The following SPG11 variants were observed in gnomAD, a reference collection of about 807,000 sequenced individuals.
SPG11 encodes the protein SPG11 vesicle trafficking associated, spatacsin, also known as spatacsin.
In SPG11, 222 loss-of-function variants were observed where a neutral mutation model predicts 274.0. The observed-to-expected ratio is 0.81, with a 90% CI of 0.73 to 0.91. The LOEUF (loss-of-function observed/expected upper bound fraction) is 0.91, where lower values mean the gene tolerates loss of function less well. SPG11 is among the 40% of genes least tolerant of loss of function. SPG11 has a pLI of 0.00. For missense variants in SPG11, 3,114 were observed against 2,872.7 expected, an observed-to-expected ratio of 1.08 and a Z score of -1.92; for synonymous variants, 1,144 against 1,039.7, an observed-to-expected ratio of 1.10 and a Z score of -1.93.
intron 15 of SPG11, among the ~76,000 whole-genome samples, chr15:44,616,805 T>A (rs1298033659): frequency 6.6e-6 from 1 of 152,222 alleles, no homozygotes; most frequent in Non-Finnish European, 1.5e-5. Flanking sequence ...CTCCCTTAAC[T>A]TTACAAGGGG....
chr15:44,563,118 C>G lies in SPG11; in HGVS notation c.*3G>C. 1 of 1,613,906 alleles carries G rather than the reference C, an allele frequency of 6.2e-7. No homozygotes were observed. ...ACAAGAAAACAGACACCTATGAAAT[C>G]ATCTAACCTGCTAGCATGTCCTTTA... On this transcript the variant is annotated 3_prime_UTR_variant, in exon 40 of 40. Coordinates refer to ENST00000261866, the MANE Select transcript of SPG11 (RefSeq NM_025137.4).
At chr15:44,579,730 C>G (rs1165365350) in intron 30 of SPG11, among the ~76,000 whole-genome samples, 1 of 152,066 alleles carries the variant, frequency 6.6e-6, no homozygotes, top group East Asian at 1.9e-4. Flanking sequence ...AGCAAAGAAA[C>G]AGATATGAAG....
intron 17 of SPG11, 61 bp from the exon 18 acceptor site, chr15:44,611,046 C>T (rs1205394223): frequency 3.6e-6 from 3 of 835,400 alleles, no homozygotes; most frequent in Non-Finnish European, 5.2e-6. Flanking sequence ...TTAAGGATTA[C>T]ATAAATGTGA....
intron 27 of SPG11, among the ~76,000 whole-genome samples, chr15:44,589,998 G>A (rs1360265385): frequency 6.6e-6 from 1 of 151,992 alleles, no homozygotes; most frequent in Non-Finnish European, 1.5e-5. Flanking sequence ...TAATAGAGAT[G>A]GGGTTTCACC....
chr15:44,574,947 C>G lies in SPG11; in HGVS notation c.5961G>C (p.Gly1987=). The change falls in exon 31 of 40, where the codon GGG becomes GGC. Residue 1987 remains glycine (G), a synonymous_variant. Coordinates refer to ENST00000261866, the MANE Select transcript of SPG11 (RefSeq NM_025137.4). ...LEVLTSKCLH[G]KNYCRQVLCL... ...AGAGGACCTGTCGACAGTAGTTCTT[C>G]CCATGGAGGCATTTGCTTGTCAGCA... 6.2e-7 allele frequency: 1 copy of G among 1,614,086 alleles called. No individual in the cohort carries two copies. Among genetic ancestry groups the G allele is most frequent in the Non-Finnish European group, 8.5e-7 (1 of 1,180,018 alleles).
intron 30 of SPG11, among the ~76,000 whole-genome samples, chr15:44,583,480 C>A (rs1354769630): frequency 5.3e-5 from 8 of 151,798 alleles, no homozygotes; most frequent in South Asian, 4.1e-4. Context: ...AACAAAAAAC[C>A]AAAAAGAAAA....
At chr15:44,583,046 A>C (rs774127993) in intron 30 of SPG11, among the ~76,000 whole-genome samples, 19 of 152,080 alleles carry the variant, frequency 1.2e-4, no homozygotes, top group Non-Finnish European at 4.4e-5. Context: ...ACAAGAAATA[A>C]AAGGCATACA....
chr15:44,612,195 C>G (rs2083477411), intron 17 of SPG11, among the ~76,000 whole-genome samples: 1 of 152,162 alleles, frequency 6.6e-6, no homozygotes, highest in Non-Finnish European at 1.5e-5. Flanking sequence ...ATAGATGTTT[C>G]TTGTTGTTCT....
chr15:44,660,757 A>G (rs2085081784), intron 1 of SPG11, 141 bp from the exon 2 acceptor site: 2 of 788,768 alleles, frequency 2.5e-6, no homozygotes, highest in Admixed American at 4.4e-5. Flanking sequence ...CTAAGAGAAC[A>G]TAAACTGCTC....
At position 44,610,824 on chromosome 15, in the gene SPG11, A is replaced by G. The variant is rs1405551313; in HGVS notation, c.3291+16T>C. On this transcript the variant is annotated intron_variant, in intron 18 of 39. Transcript: ENST00000261866. ...TTAAAAATCAGTCCTATTTTGTCAT[A>G]AAGTGCTATCCATACCTGACTGACA... is the stretch of plus-strand genomic sequence containing the variant. 5.6e-6 allele frequency: 9 copies of G among 1,612,320 alleles called. No homozygotes were observed. Among genetic ancestry groups the G allele is most frequent in the Non-Finnish European group, 7.6e-6 (9 of 1,178,538 alleles).
intron 34 of SPG11, 49 bp downstream of exon 34, chr15:44,570,474 ACT>A: frequency 6.2e-7 from 1 of 1,612,208 alleles, no homozygotes; most frequent in Non-Finnish European, 8.5e-7. Flanking sequence ...CCTTTCTACT[ACT>A]CTCAAAGGTT....
chr15:44,620,160 C>A, intron 15 of SPG11, 30 bp downstream of exon 15: 1 of 1,527,370 alleles, frequency 6.5e-7, no homozygotes, highest in South Asian at 1.1e-5. Flanking sequence ...GTATTCTTCC[C>A]ATTGGGTATT....
At chr15:44,654,994 T>G (rs760668298) in intron 4 of SPG11, among the ~76,000 whole-genome samples, 28 of 152,384 alleles carry the variant, frequency 1.8e-4, no homozygotes, top group Non-Finnish European at 3.5e-4. Context: ...TATACTGTAC[T>G]GCTGTAATAA....
rs1595878949 is a variant in SPG11, at chr15:44,610,941, A to T, written c.3190T>A (p.Leu1064Met). 6 of 1,613,924 alleles carry T rather than the reference A, an allele frequency of 3.7e-6. No individual in the cohort carries two copies. In the African/African-American group the frequency reaches 6.7e-5, roughly 18 times the overall value. ...ACACTGGCCTGATTGGTGGGAATCAAAATCTGAGCATTTGCAAGGCTAGCC... is the reference window on the plus strand; with the variant it reads ...ACACTGGCCTGATTGGTGGGAATCATAATCTGAGCATTTGCAAGGCTAGCC... Reference protein sequence around the residue: ...FQASLANAQILIPTNQASVSS... With the variant: ...FQASLANAQIMIPTNQASVSS... Residue 1064 changes from leucine to methionine, a missense_variant, in exon 18 of 40, where the codon TTG becomes ATG. Coordinates refer to ENST00000261866, the MANE Select transcript of SPG11 (RefSeq NM_025137.4).
At position 44,585,558 on chromosome 15, in the gene SPG11, C is replaced by A. The variant is rs1372692438; in HGVS notation, c.5121+78G>T. On this transcript the variant is annotated intron_variant, in intron 29 of 39. Transcript: ENST00000261866. ...CGGAGCTTGCAGCGAGCGGAGATCG[C>A]GCCACTGCACTCCAGCCTGGGTGAC... is the stretch of plus-strand genomic sequence containing the variant. 4.1e-6 allele frequency: 5 copies of A among 1,217,430 alleles called. No individual in the cohort carries two copies. The African/African-American group carries it at 7.7e-5, about 19-fold the overall frequency. 75.4% of individuals were successfully genotyped at this position (1,217,430 alleles called of 1,614,324 possible).
chr15:44,569,931 C>G (rs2140921831), intron 34 of SPG11, among the ~76,000 whole-genome samples: 1 of 152,332 alleles, frequency 6.6e-6, no homozygotes. Context: ...TGGTCTCCAA[C>G]TCCTGACCTC....
At chr15:44,601,835 A>G (rs1408413695) in intron 20 of SPG11, among the ~76,000 whole-genome samples, 3 of 152,108 alleles carry the variant, frequency 2.0e-5, no homozygotes, top group Admixed American at 2.0e-4. Flanking sequence ...CTGCGATTAC[A>G]GGCATGAGCG....
At chr15:44,595,604 C>A in intron 25 of SPG11, 145 bp from the exon 26 acceptor site, 1 of 896,126 alleles carries the variant, frequency 1.1e-6, no homozygotes, top group Non-Finnish European at 1.8e-6. Context: ...ATGAAACAAA[C>A]TAATGAGCAA....
At chr15:44,609,913 T>C (rs957356220) in intron 18 of SPG11, among the ~76,000 whole-genome samples, 1 of 145,396 alleles carries the variant, frequency 6.9e-6, no homozygotes, top group Non-Finnish European at 1.5e-5. Context: ...TTTTTTTTTT[T>C]TTTTTTTGAG....
Sources: gnomAD v4.1 joint callset for allele counts (sites outside exome capture counted in the v4.1 genomes callset) on GRCh38, gnomAD v4.1.1 for gene constraint, MANE v1.5 for transcripts, NCBI Gene and HGNC (gene_info 2026-07-23, HGNC 2026-07-21) for gene names.